PARD3B: variants seen among roughly 807,000 people sequenced by gnomAD.
PARD3B encodes the protein par-3 family cell polarity regulator beta.
PARD3B carries 103 observed loss-of-function variants against 130.2 expected under a neutral mutation model. That is an observed-to-expected ratio of 0.79 (90% CI 0.67 to 0.93). The LOEUF is 0.93. PARD3B is among the 40% of genes least tolerant of loss of function. PARD3B has a pLI of 0.00. For synonymous variants in PARD3B, 583 were observed against 553.2 expected (o/e 1.05, Z -0.76); for missense variants, 1,609 against 1,499.2 (o/e 1.07, Z -1.21).
At chr2:205,094,784 T>C (rs1702307565) in intron 4 of PARD3B, among the ~76,000 whole-genome samples, 1 of 152,178 alleles carries the variant, frequency 6.6e-6, no homozygotes, top group Non-Finnish European at 1.5e-5. Context: ...AACCTGGCTT[T>C]TGTATAGCTT....
intron 2 of PARD3B, among the ~76,000 whole-genome samples, chr2:204,707,796 A>G (rs2038243665): frequency 6.6e-5 from 10 of 152,232 alleles, no homozygotes; most frequent in Admixed American, 6.5e-4. Flanking sequence ...ATTCCTTAAT[A>G]TTAAAATTTT....
intron 1 of PARD3B, among the ~76,000 whole-genome samples, chr2:204,632,078 G>A (rs972645987): frequency 1.3e-5 from 2 of 152,048 alleles, no homozygotes; most frequent in Non-Finnish European, 2.9e-5. Context: ...ACTGGATCAT[G>A]GGGGCAGATT....
At chr2:204,900,851 A>G (rs1240437722) in intron 2 of PARD3B, among the ~76,000 whole-genome samples, 1 of 152,218 alleles carries the variant, frequency 6.6e-6, no homozygotes, top group African/African-American at 2.4e-5. Context: ...CCTAAAAGTA[A>G]CACTGTGACT....
intron 3 of PARD3B, among the ~76,000 whole-genome samples, chr2:204,997,750 G>A (rs969971783): frequency 2.0e-5 from 3 of 151,536 alleles, no homozygotes; most frequent in Non-Finnish European, 4.4e-5. Flanking sequence ...TCCAGTGTTG[G>A]ATAGAATGAG....
At chr2:205,000,460 A>G (rs984588128) in intron 3 of PARD3B, among the ~76,000 whole-genome samples, 4 of 152,142 alleles carry the variant, frequency 2.6e-5, no homozygotes, top group African/African-American at 4.8e-5. Context: ...TGTTTGTTAT[A>G]TTATGTTCCA....
chr2:205,224,427 A>T (rs2038428870), intron 15 of PARD3B, among the ~76,000 whole-genome samples: 1 of 151,222 alleles, frequency 6.6e-6, no homozygotes, highest in African/African-American at 2.4e-5. Context: ...AAAAAAGTAC[A>T]ATAAATTATT....
Position 204,905,960 on chromosome 2 carries a change from T to G in PARD3B, c.223-59192T>G, listed in dbSNP as rs76646045. ...GAGAGTAACACGTCTAAGACTAAGA[T>G]GTTCTTGGGGTTAATCTAGGAAGTT... On this transcript the variant is annotated intron_variant, in intron 2 of 22. Coordinates refer to ENST00000406610, the MANE Select transcript of PARD3B (RefSeq NM_001302769.2). 7.5e-4 allele frequency among the ~76,000 whole-genome samples: 114 copies of G among 152,184 alleles called. 1 individual carries two copies. The highest frequency in any genetic ancestry group is 2.6e-3 in the African/African-American group (109 of 41,498).
rs1390921242 is a variant in PARD3B at position 204,996,393 on chromosome 2, A to G, written c.394+31070A>G. ...GGGGTGCCTCCCAGTTAGGCTGCTC[A>G]GGGGTCAGGGGTCAGGGACCCACTT... On this transcript the variant is annotated intron_variant, in intron 3 of 22. Coordinates refer to ENST00000406610, the MANE Select transcript of PARD3B (RefSeq NM_001302769.2). Among the ~76,000 whole-genome samples, 170 of 152,150 alleles carry G rather than the reference A, an allele frequency of 1.1e-3. 1 individual carries two copies. The highest frequency in any genetic ancestry group is 3.4e-3 in the Middle Eastern group (1 of 294).
intron 18 of PARD3B, among the ~76,000 whole-genome samples, chr2:205,374,613 G>T (rs1038303085): frequency 4.6e-5 from 7 of 151,774 alleles, no homozygotes; most frequent in African/African-American, 1.7e-4. Context: ...CTTGTTTCCT[G>T]GTTTTATTTA....
At chr2:204,942,649 A>G (rs148387919) in intron 2 of PARD3B, among the ~76,000 whole-genome samples, 195 of 152,284 alleles carry the variant, frequency 1.3e-3, no homozygotes, top group Non-Finnish European at 2.1e-3. Flanking sequence ...AAGTAGTTAT[A>G]CAAACACTTT....
chr2:204,752,957 C>G (rs562687310), intron 2 of PARD3B, among the ~76,000 whole-genome samples: 2 of 152,132 alleles, frequency 1.3e-5, no homozygotes, highest in African/African-American at 2.4e-5. Flanking sequence ...GTTTAAAGAG[C>G]AAAATCCAAA....
intron 2 of PARD3B, among the ~76,000 whole-genome samples, chr2:204,693,537 T>C (rs2037451527): frequency 2.0e-5 from 3 of 152,106 alleles, no homozygotes; most frequent in Admixed American, 6.6e-5. Flanking sequence ...GGAGAGCACC[T>C]GGCCTGTAGT....
intron 2 of PARD3B, among the ~76,000 whole-genome samples, chr2:204,950,132 C>T (rs1246740016): frequency 1.3e-5 from 2 of 152,146 alleles, no homozygotes; most frequent in Non-Finnish European, 2.9e-5. Context: ...TGTGAAGATG[C>T]TGATGTTTTA....
intron 18 of PARD3B, among the ~76,000 whole-genome samples, chr2:205,399,602 G>T (rs528663272): frequency 6.6e-6 from 1 of 152,108 alleles, no homozygotes; most frequent in East Asian, 1.9e-4. Context: ...TGATCCACCT[G>T]CCTTGGCCTC....
intron 2 of PARD3B, among the ~76,000 whole-genome samples, chr2:204,721,360 T>C (rs2038989331): frequency 6.6e-6 from 1 of 151,980 alleles, no homozygotes; most frequent in African/African-American, 2.4e-5. Flanking sequence ...TGTAAGAGTC[T>C]AGGAGGTGAC....
At chr2:205,492,511 G>T (rs1366471347) in intron 20 of PARD3B, among the ~76,000 whole-genome samples, 1 of 152,056 alleles carries the variant, frequency 6.6e-6, no homozygotes, top group Non-Finnish European at 1.5e-5. Context: ...TGAAATGGGG[G>T]CTACCTTCAT....
At chr2:205,289,490 T>G (rs890920919) in intron 16 of PARD3B, among the ~76,000 whole-genome samples, 1 of 152,192 alleles carries the variant, frequency 6.6e-6, no homozygotes, top group Non-Finnish European at 1.5e-5. Flanking sequence ...TATCTCTGTT[T>G]TACAGATAAG....
At chr2:205,577,979 A>G (rs985812067) in intron 22 of PARD3B, among the ~76,000 whole-genome samples, 2 of 152,226 alleles carry the variant, frequency 1.3e-5, no homozygotes, top group African/African-American at 4.8e-5. Flanking sequence ...GGCTGCAGGC[A>G]TATACCTAAT....
intron 10 of PARD3B, among the ~76,000 whole-genome samples, chr2:205,131,142 G>A (rs886609604): frequency 6.6e-6 from 1 of 152,126 alleles, no homozygotes; most frequent in East Asian, 1.9e-4. Flanking sequence ...TGATTCAAAT[G>A]ATTCCATGCT....
Sources: allele counts gnomAD v4.1 joint callset (sites outside exome capture counted in the v4.1 genomes callset), GRCh38; gene constraint gnomAD v4.1.1; transcripts MANE v1.5; gene names NCBI Gene and HGNC (gene_info 2026-07-23, HGNC 2026-07-21).